LRCH3: variants seen among roughly 807,000 people sequenced by gnomAD.
LRCH3 encodes the protein DISP complex protein LRCH3.
Under a neutral mutation model 104.5 loss-of-function variants are expected in LRCH3, and 68 were observed. That is an observed-to-expected ratio of 0.65 (90% CI 0.54 to 0.80). The LOEUF (loss-of-function observed/expected upper bound fraction) is 0.80, where lower values mean the gene tolerates loss of function less well. Among genes scored for constraint, LRCH3 ranks in the 30% least tolerant of loss-of-function variants. The pLI is 0.00. For synonymous variants in LRCH3, 344 were observed against 361.3 expected (o/e 0.95, Z 0.54); for missense variants, 951 against 953.9 (o/e 1.00, Z 0.04).
chr3:197,880,860 A>G lies in LRCH3; in HGVS notation c.2209-2681A>G, dbSNP rs896805926. On this transcript the variant is annotated intron_variant, in intron 20 of 20. Coordinates refer to ENST00000425562, the MANE Select transcript of LRCH3 (RefSeq NM_001365715.1). ...CATAAAGGAGGTAAATCCTTTCTTT[A>G]TATTTGCAGATGAGCACCCCCTCAC... The G allele has an allele frequency of 1.2e-5, 18 of 1,448,032 alleles. No individual in the cohort carries two copies. The African/African-American group carries it at 2.0e-4, about 16-fold the overall frequency. The allele number at this position is 1,448,032 out of a possible 1,614,324, so 89.7% of individuals were successfully genotyped here.
At chr3:197,829,095 G>A (rs986920850) in intron 5 of LRCH3, among the ~76,000 whole-genome samples, 6 of 152,120 alleles carry the variant, frequency 3.9e-5, no homozygotes, top group Admixed American at 6.6e-5. Context: ...AAGAATTTGT[G>A]TTTTGACTTC....
chr3:197,839,477 G>A, intron 10 of LRCH3, 80 bp downstream of exon 10: 2 of 795,672 alleles, frequency 2.5e-6, no homozygotes, highest in Non-Finnish European at 4.0e-6. Flanking sequence ...ATGCAGATCT[G>A]TGTGTAATAA....
chr3:197,791,407 C>G lies in LRCH3; in HGVS notation c.129C>G (p.Gly43=), dbSNP rs374333596. Residue 43 remains glycine (G), a synonymous_variant, in exon 1 of 21, where the codon GGC becomes GGG. Coordinates refer to ENST00000425562, the MANE Select transcript of LRCH3 (RefSeq NM_001365715.1). ...SSGAGPGFGP[G]SWSRSLDRAL... is the part of the protein sequence containing the mutation. ...GGGCAGGCCCTGGTTTTGGCCCGGG[C>G]TCGTGGAGCCGCTCTCTCGATCGAG... The G allele has an allele frequency of 6.3e-7, 1 of 1,592,178 alleles. No individual in the cohort carries two copies. Among genetic ancestry groups the G allele is most frequent in the South Asian group, 1.1e-5 (1 of 88,032 alleles).
intron 1 of LRCH3, among the ~76,000 whole-genome samples, chr3:197,798,418 A>G (rs1163444112): frequency 2.0e-5 from 3 of 152,230 alleles, no homozygotes; most frequent in Non-Finnish European, 4.4e-5. Context: ...GAAAATGAGA[A>G]AGCAAAGACT....
chr3:197,820,051 T>C (rs1201547830), intron 3 of LRCH3, among the ~76,000 whole-genome samples: 2 of 152,210 alleles, frequency 1.3e-5, no homozygotes, highest in African/African-American at 4.8e-5. Flanking sequence ...TGTTTTCTTT[T>C]AGTCATATTG....
Position 197,860,628 on chromosome 3 carries a change from G to T in LRCH3, c.1716+1723G>T, listed in dbSNP as rs1740767303. On this transcript the variant is annotated intron_variant, in intron 15 of 20. Transcript: ENST00000425562. ...TTTTTTTACTTTTTAATTTTTGTGGGTACATAGTAAGTGTGTATATGGGGT... is the reference window on the plus strand; with the variant it reads ...TTTTTTTACTTTTTAATTTTTGTGGTTACATAGTAAGTGTGTATATGGGGT... Among the ~76,000 whole-genome samples the T allele has an allele frequency of 2.6e-5, 4 of 151,626 alleles. No homozygotes were observed. The South Asian group carries it at 6.3e-4, about 24-fold the overall frequency.
At chr3:197,828,759 G>A (rs1735550652) in intron 5 of LRCH3, among the ~76,000 whole-genome samples, 1 of 146,060 alleles carries the variant, frequency 6.8e-6, no homozygotes, top group Non-Finnish European at 1.5e-5. Context: ...CCAGGCCGGA[G>A]TGCAATGGTG....
At chr3:197,806,572 G>A (rs1041298480) in intron 1 of LRCH3, among the ~76,000 whole-genome samples, 1 of 151,616 alleles carries the variant, frequency 6.6e-6, no homozygotes, top group African/African-American at 2.4e-5. Flanking sequence ...ATATAATAAG[G>A]GTCTCTAAGA....
At chr3:197,869,924 T>TAGAAAGCGATGCACTGTACCC (rs1560599033) in intron 17 of LRCH3, among the ~76,000 whole-genome samples, 22 of 147,902 alleles carry the variant, frequency 1.5e-4, no homozygotes, top group African/African-American at 5.5e-4. Flanking sequence ...GCACTGTACC[T>TAGAAAGCGATGCACTGTACCC]GCAGGAGGTA....
chr3:197,814,857 TA>T (rs2109184645), intron 1 of LRCH3, 50 bp from the exon 2 acceptor site: 2 of 1,454,956 alleles, frequency 1.4e-6, no homozygotes, highest in Admixed American at 2.5e-5. Context: ...AAGATTTCAA[TA>T]AAATAAGTTC....
intron 15 of LRCH3, among the ~76,000 whole-genome samples, chr3:197,859,798 TA>T (rs1396406079): frequency 2.0e-5 from 3 of 151,986 alleles, no homozygotes; most frequent in Non-Finnish European, 2.9e-5. Context: ...CAAAATACAA[TA>T]TTTTTTTAAT....
At chr3:197,838,008 C>T (rs138207543) in intron 9 of LRCH3, among the ~76,000 whole-genome samples, 118 of 151,812 alleles carry the variant, frequency 7.8e-4, no homozygotes, top group Middle Eastern at 3.4e-3. Flanking sequence ...TGCAGTGAGC[C>T]GAGATTGTGC....
Position 197,823,987 on chromosome 3 carries a change from A to G in LRCH3, c.641-2891A>G, listed in dbSNP as rs544832682. Among the ~76,000 whole-genome samples, 3 of 152,206 alleles carry G rather than the reference A, an allele frequency of 2.0e-5. No individual in the cohort carries two copies. The East Asian group carries it at 5.8e-4, about 29-fold the overall frequency. On this transcript the variant is annotated intron_variant, in intron 4 of 20. Coordinates refer to ENST00000425562, the MANE Select transcript of LRCH3 (RefSeq NM_001365715.1). The stretch of plus-strand genomic sequence containing the variant: ...GATTAAATTGTTACTCAGTGTTCAC[A>G]TTACTGTAATTATGTAAACATTGTT...
intron 10 of LRCH3, among the ~76,000 whole-genome samples, chr3:197,840,985 T>C (rs1356288586): frequency 6.6e-6 from 1 of 152,172 alleles, no homozygotes; most frequent in Non-Finnish European, 1.5e-5. Context: ...AGCTCCAGGA[T>C]TTAGTAGAAA....
chr3:197,867,414 C>A (rs1741620674), intron 17 of LRCH3, among the ~76,000 whole-genome samples: 1 of 151,036 alleles, frequency 6.6e-6, no homozygotes, highest in South Asian at 2.1e-4. Flanking sequence ...AAACTTATGT[C>A]TCAAAAAAAA....
At position 197,866,161 on chromosome 3, in the gene LRCH3, G is replaced by A; in HGVS notation, c.1815G>A (p.Gln605=). ...YSFPAAIQRN[Q]PQRPESFLFR... ...TTCCTGCTGCTATCCAGAGAAATCAGCCTCAGCGCCCTGAAAGCTTCCTTT... is the reference window on the plus strand; with the variant it reads ...TTCCTGCTGCTATCCAGAGAAATCAACCTCAGCGCCCTGAAAGCTTCCTTT... Residue 605 remains glutamine, a synonymous_variant, in exon 17 of 21, where the codon CAG becomes CAA. Transcript: ENST00000425562. 6.2e-7 allele frequency: 1 copy of A among 1,614,068 alleles called. No individual in the cohort carries two copies. The highest frequency in any genetic ancestry group is 8.5e-7 in the Non-Finnish European group (1 of 1,180,002).
intron 15 of LRCH3, among the ~76,000 whole-genome samples, chr3:197,861,797 C>T (rs1580848122): frequency 6.6e-6 from 1 of 151,450 alleles, no homozygotes; most frequent in Non-Finnish European, 1.5e-5. Flanking sequence ...TTTTTGCTCT[C>T]CAGTTTTCCA....
intron 20 of LRCH3, among the ~76,000 whole-genome samples, chr3:197,880,146 C>A (rs111639980): frequency 1.3e-5 from 2 of 150,936 alleles, no homozygotes; most frequent in East Asian, 3.9e-4. Flanking sequence ...GGGGTTTCAC[C>A]GTGTTAGCCG....
At chr3:197,873,224 T>A (rs1290707074) in intron 19 of LRCH3, among the ~76,000 whole-genome samples, 2 of 152,220 alleles carry the variant, frequency 1.3e-5, no homozygotes, top group Non-Finnish European at 2.9e-5. Context: ...ACGAACACTA[T>A]TAAAGTCTGC....
Sources: allele counts gnomAD v4.1 joint callset (sites outside exome capture counted in the v4.1 genomes callset), GRCh38; gene constraint gnomAD v4.1.1; transcripts MANE v1.5; gene names NCBI Gene and HGNC (gene_info 2026-07-23, HGNC 2026-07-21).